CTNNA2: variants seen among roughly 807,000 people sequenced by gnomAD.
CTNNA2 encodes the protein catenin alpha 2.
In CTNNA2, 42 loss-of-function variants were observed where a neutral mutation model predicts 101.0. The ratio of observed to expected loss-of-function variants is 0.42; its 90% CI spans 0.32 to 0.54. The LOEUF is 0.54. Ranked by LOEUF, CTNNA2 falls within the 20% of genes least tolerant of loss-of-function variation. The probability of loss-of-function intolerance (pLI) is 0.14; values close to 1 mark genes in which losing one functional copy is unlikely to be tolerated. For synonymous variants in CTNNA2, 450 were observed against 456.4 expected, an observed-to-expected ratio of 0.99 and a Z score of 0.18; for missense variants, 871 against 1,223.1, an observed-to-expected ratio of 0.71 and a Z score of 4.29.
At chr2:80,596,914 A>G (rs1233570873) in intron 15 of CTNNA2, among the ~76,000 whole-genome samples, 3 of 152,192 alleles carry the variant, frequency 2.0e-5, no homozygotes, top group East Asian at 1.9e-4. Flanking sequence ...AGTTTTCAAC[A>G]TGAAGTGATG....
At chr2:80,409,477 TA>T (rs1242897517) in intron 8 of CTNNA2, among the ~76,000 whole-genome samples, 1 of 151,936 alleles carries the variant, frequency 6.6e-6, no homozygotes, top group Non-Finnish European at 1.5e-5. Flanking sequence ...GCTTTGTTAG[TA>T]GTTGGGAGTT....
intron 1 of CTNNA2, among the ~76,000 whole-genome samples, chr2:79,192,827 A>G (rs1673892891): frequency 1.3e-5 from 2 of 152,056 alleles, no homozygotes; most frequent in South Asian, 4.1e-4. Flanking sequence ...ATTGCTTTCA[A>G]TTTTCAAAAG....
At chr2:79,565,221 G>A (rs1185434109) in intron 1 of CTNNA2, among the ~76,000 whole-genome samples, 1 of 146,504 alleles carries the variant, frequency 6.8e-6, no homozygotes, top group East Asian at 2.0e-4. Context: ...TTTGAAGGGT[G>A]AGAAAAATTG....
At chr2:79,605,087 A>G (rs1677797518) in intron 1 of CTNNA2, among the ~76,000 whole-genome samples, 1 of 145,850 alleles carries the variant, frequency 6.9e-6, no homozygotes, top group African/African-American at 2.7e-5. Flanking sequence ...AAAATTAGCA[A>G]AGACATTAAG....
At position 79,325,418 on chromosome 2, in the gene CTNNA2, T is replaced by C. The variant is rs145762944; in HGVS notation, c.-318+12622T>C. Among the ~76,000 whole-genome samples, 15 of 152,326 alleles carry C rather than the reference T, an allele frequency of 9.8e-5. No homozygotes were observed. In the East Asian group the frequency reaches 2.9e-3, roughly 29 times the overall value. ...GTACAAAAATAAGAATGTCATTGTT[T>C]TCATTGTTTTCTTCAAATAGCATTT... On this transcript the variant is annotated intron_variant, in intron 3 of 21. Transcript: ENST00000466387.
intron 4 of CTNNA2, among the ~76,000 whole-genome samples, chr2:79,388,947 A>G (rs370765709): frequency 4.5e-4 from 68 of 152,334 alleles, no homozygotes; most frequent in Admixed American, 1.2e-3. Context: ...TCTTGGCTCT[A>G]GCCAAGGTGA....
At chr2:80,523,694 G>A (rs1046459616) in intron 9 of CTNNA2, among the ~76,000 whole-genome samples, 6 of 152,258 alleles carry the variant, frequency 3.9e-5, no homozygotes, top group South Asian at 2.1e-4. Context: ...AGGGGCTGGC[G>A]TCTGTTGTGT....
chr2:79,206,920 T>A (rs1042452601), intron 2 of CTNNA2, among the ~76,000 whole-genome samples: 2 of 152,114 alleles, frequency 1.3e-5, no homozygotes, highest in Non-Finnish European at 2.9e-5. Context: ...ACTTGATCAG[T>A]TACTGTGTAA....
chr2:79,862,794 G>T (rs7584323), intron 4 of CTNNA2, among the ~76,000 whole-genome samples: 35,537 of 152,012 alleles, frequency 0.23, 4,540 homozygotes, highest in East Asian at 0.55. Context: ...GTTAGGAAAG[G>T]GTGCATATTG....
intron 2 of CTNNA2, among the ~76,000 whole-genome samples, chr2:79,206,253 GA>G (rs1572978099): frequency 6.8e-6 from 1 of 147,538 alleles, no homozygotes; most frequent in African/African-American, 2.5e-5. Flanking sequence ...GGCAATTATG[GA>G]AAAAAAGTTT....
intron 4 of CTNNA2, among the ~76,000 whole-genome samples, chr2:79,386,929 GC>G (rs1678112494): frequency 6.6e-6 from 1 of 152,126 alleles, no homozygotes; most frequent in South Asian, 2.1e-4. Context: ...TTGTCAACCT[GC>G]CCCCACCCAT....
At chr2:80,278,848 G>A (rs1674129727) in intron 7 of CTNNA2, among the ~76,000 whole-genome samples, 1 of 152,000 alleles carries the variant, frequency 6.6e-6, no homozygotes, top group East Asian at 1.9e-4. Context: ...CACACCTGGG[G>A]TTCTAGCTAC....
chr2:79,352,568 TTG>T (rs1677415771), intron 3 of CTNNA2, among the ~76,000 whole-genome samples: 1 of 152,190 alleles, frequency 6.6e-6, no homozygotes, highest in African/African-American at 2.4e-5. Flanking sequence ...GTATGGATTT[TTG>T]TGTCTCAATT....
At position 79,427,849 on chromosome 2, in the gene CTNNA2, A is replaced by C. The variant is rs145976412; in HGVS notation, c.-135+53836A>C. ...AATTCATTGCTCTGTGTCTTCAAAAATGAAATCCTTTTTAAATTCCTAAAG... is the reference window on the plus strand; with the variant it reads ...AATTCATTGCTCTGTGTCTTCAAAACTGAAATCCTTTTTAAATTCCTAAAG... On this transcript the variant is annotated intron_variant, in intron 4 of 21. Coordinates refer to the CTNNA2 transcript ENST00000466387. Among the ~76,000 whole-genome samples, 1,461 of 152,218 alleles carry C rather than the reference A, an allele frequency of 9.6e-3. 7 individuals are homozygous for C. The highest frequency in any genetic ancestry group is 0.031 in the Middle Eastern group (9 of 294).
chr2:80,142,831 C>A (rs1038796260), intron 7 of CTNNA2, among the ~76,000 whole-genome samples: 2 of 152,062 alleles, frequency 1.3e-5, no homozygotes, highest in Non-Finnish European at 2.9e-5. Flanking sequence ...TGACTGTATT[C>A]TCTCCCTTGG....
intron 5 of CTNNA2, among the ~76,000 whole-genome samples, chr2:79,506,162 C>A (rs549114407): frequency 6.6e-6 from 1 of 152,068 alleles, no homozygotes; most frequent in Non-Finnish European, 1.5e-5. Flanking sequence ...TGTGTGTGTG[C>A]ATGTGTGCAT....
chr2:80,114,892 C>T (rs755634868), intron 7 of CTNNA2, among the ~76,000 whole-genome samples: 7 of 152,218 alleles, frequency 4.6e-5, no homozygotes, highest in Middle Eastern at 3.4e-3. Context: ...CTCCAAGAAA[C>T]CTTGAAGAGG....
chr2:80,202,750 A>G (rs1034208189), intron 7 of CTNNA2, among the ~76,000 whole-genome samples: 1 of 152,060 alleles, frequency 6.6e-6, no homozygotes, highest in African/African-American at 2.4e-5. Flanking sequence ...AAAGAAAAAG[A>G]CAAAGCTACC....
chr2:79,429,258 A>G (rs1056775963), intron 4 of CTNNA2, among the ~76,000 whole-genome samples: 7 of 152,044 alleles, frequency 4.6e-5, no homozygotes, highest in African/African-American at 1.7e-4. Context: ...TTAATCTTGA[A>G]ATTTTCTGTG....
Sources: gnomAD v4.1 joint callset for allele counts (sites outside exome capture counted in the v4.1 genomes callset) on GRCh38, gnomAD v4.1.1 for gene constraint, MANE v1.5 for transcripts, NCBI Gene and HGNC (gene_info 2026-07-23, HGNC 2026-07-21) for gene names.